Variants in NCOR2 observed in about 807,000 individuals in gnomAD.
NCOR2 encodes nuclear receptor corepressor 2.
A neutral mutation model predicts 262.9 loss-of-function variants in NCOR2; 81 were observed. That is an observed-to-expected ratio of 0.31 (90% CI 0.26 to 0.37). The LOEUF (loss-of-function observed/expected upper bound fraction) is 0.37, where lower values mean the gene tolerates loss of function less well. NCOR2 is among the 10% of genes least tolerant of loss of function. The pLI, the probability that NCOR2 is intolerant of heterozygous loss-of-function variation, is 1.00. For synonymous variants in NCOR2, 1,659 were observed against 1,559.3 expected, an observed-to-expected ratio of 1.06 and a Z score of -1.51; for missense variants, 3,385 against 3,621.4, an observed-to-expected ratio of 0.93 and a Z score of 1.68.
At chr12:124,350,085 G>A (rs540690941) in intron 28 of NCOR2, among the ~76,000 whole-genome samples, 2 of 152,228 alleles carry the variant, frequency 1.3e-5, no homozygotes, top group Admixed American at 1.3e-4. Flanking sequence ...GGGTGCCCTA[G>A]GCTGCCAGGA....
chr12:124,338,574 A>C (rs555804459), intron 37 of NCOR2, among the ~76,000 whole-genome samples: 1 of 151,306 alleles, frequency 6.6e-6, no homozygotes, highest in African/African-American at 2.4e-5. Context: ...CCCCTGGTGA[A>C]GCAGCTCTGC....
Position 124,433,895 on chromosome 12 carries a change from C to CAA in NCOR2, c.883-3109_883-3108insTT, listed in dbSNP as rs1196004621. On this transcript the variant is annotated intron_variant, in intron 8 of 46. Transcript: ENST00000405201. ...ACACACACACACACACACACACACACACACGCACACACACACACAGGGAAA... is the reference window on the plus strand; with the variant it reads ...ACACACACACACACACACACACACACAAACACGCACACACACACACAGGGAAA... 1.9e-4 allele frequency among the ~76,000 whole-genome samples: 23 copies of CAA among 123,228 alleles called. 2 individuals are homozygous for CAA. The highest frequency in any genetic ancestry group is 9.5e-4 in the African/African-American group (23 of 24,248). The allele number at this position is 123,228 out of a possible 152,430, so 80.8% of individuals were successfully genotyped here. A position where few individuals can be genotyped will look rare whatever the true frequency, so the allele number is the denominator to read the frequency against.
intron 10 of NCOR2, among the ~76,000 whole-genome samples, chr12:124,427,516 T>C (rs1313443463): frequency 1.3e-5 from 2 of 152,178 alleles, no homozygotes; most frequent in African/African-American, 4.8e-5. Context: ...GGACTCCGCG[T>C]AGCCAAGGTC....
At chr12:124,450,000 A>C in intron 6 of NCOR2, 133 bp from the exon 9 acceptor site, 1 of 868,296 alleles carries the variant, frequency 1.2e-6, no homozygotes, top group East Asian at 2.7e-5. Flanking sequence ...GGCAGGCATG[A>C]AACAGAACAC....
chr12:124,324,557 C>A (rs376783309), exon 47 of NCOR2: 1 of 152,470 alleles, frequency 6.6e-6, no homozygotes, highest in East Asian at 1.9e-4. Context: ...GGGGCGTGAG[C>A]CAGCAGTCCC....
At chr12:124,349,755 G>C (rs912359327) in intron 28 of NCOR2, among the ~76,000 whole-genome samples, 5 of 152,174 alleles carry the variant, frequency 3.3e-5, no homozygotes, top group African/African-American at 1.2e-4. Flanking sequence ...ACTCTACCCA[G>C]TGACCTCTCA....
chr12:124,495,137 AC>A lies in NCOR2; in HGVS notation c.105+9del, dbSNP rs1401060899. 5 of 1,612,984 alleles carry A rather than the reference AC, an allele frequency of 3.1e-6. No individual in the cohort carries two copies. Among genetic ancestry groups the A allele is most frequent in the Non-Finnish European group, 4.2e-6 (5 of 1,179,690 alleles). On this transcript the variant is annotated intron_variant, in intron 1 of 46. Transcript: ENST00000405201. The surrounding 1 kb of genome is among the most constrained non-coding windows in gnomAD (Gnocchi z 4.4). ...GGTAGCCCCAGGCGCACACATGTGCACCCCCTTACCGTGTGCGTCCGGGCGA... is the reference window on the plus strand; with the variant it reads ...GGTAGCCCCAGGCGCACACATGTGCACCCCTTACCGTGTGCGTCCGGGCGA...
At chr12:124,496,678 C>T (rs980736253), upstream of NCOR2, among the ~76,000 whole-genome samples, 5 of 152,150 alleles carry the variant, frequency 3.3e-5, no homozygotes, top group Non-Finnish European at 7.4e-5. This position sits in a 1 kb window ranked among gnomAD's most constrained non-coding sequence, Gnocchi z 4.4. Context: ...GTTGGGGGCC[C>T]TGACTGCCTC....
chr12:124,413,356 A>C (rs1355681995), intron 13 of NCOR2, among the ~76,000 whole-genome samples: 1 of 152,146 alleles, frequency 6.6e-6, no homozygotes, highest in East Asian at 1.9e-4. Context: ...TTTCGGAAGG[A>C]TTAAGGTCGG....
rs1412887711 is a variant in NCOR2, at chr12:124,326,194, C to T, written c.7360G>A (p.Ala2454Thr). Reference sequence around the variant, plus strand: ...CCTGTCCCCACCTGGTGCCCACCTGCGGACGAGGGCCTGTCCTCCCACACG... The same window carrying T: ...CCTGTCCCCACCTGGTGCCCACCTGTGGACGAGGGCCTGTCCTCCCACACG... Residue 2454 changes from alanine to threonine, a missense_variant, in exon 46 of 47, where the codon GCA becomes ACA. Physicochemically the swap from Ala to Thr is moderately conservative, Grantham distance 58. Transcript: ENST00000405201. 1.3e-5 allele frequency: 20 copies of T among 1,523,528 alleles called. No individual in the cohort carries two copies. The highest frequency in any genetic ancestry group is 6.1e-5 in the Admixed American group (3 of 48,792). The allele number at this position is 1,523,528 out of a possible 1,614,324, so 94.4% of individuals were successfully genotyped here.
Position 124,454,806 on chromosome 12 carries a change from C to T in NCOR2, c.762+2300G>A, listed in dbSNP as rs1247934926. ...TCTAGCAATTCCACGCCTAGGTACACACCCAGGAGAAATGAAGACGTACGT... is the reference window on the plus strand; with the variant it reads ...TCTAGCAATTCCACGCCTAGGTACATACCCAGGAGAAATGAAGACGTACGT... On this transcript the variant is annotated intron_variant, in intron 6 of 46. Coordinates refer to ENST00000405201, the Ensembl canonical transcript of NCOR2. This position sits in a 1 kb window ranked among gnomAD's most constrained non-coding sequence, Gnocchi z 5.6. Among the ~76,000 whole-genome samples, 2 of 152,162 alleles carry T rather than the reference C, an allele frequency of 1.3e-5. No homozygotes were observed. Among genetic ancestry groups the T allele is most frequent in the East Asian group, 3.8e-4 (2 of 5,200 alleles).
intron 16 of NCOR2, chr12:124,388,837 C>A: frequency 7.8e-7 from 1 of 1,283,264 alleles, no homozygotes. Flanking sequence ...CGGCTCAGCT[C>A]AGCCTCACAT....
At chr12:124,529,179 C>CAA (rs148397454) in intron 1 of NCOR2, among the ~76,000 whole-genome samples, 881 of 51,106 alleles carry the variant, frequency 0.017, 9 homozygotes, top group Non-Finnish European at 0.019. Flanking sequence ...AACTCCGACT[C>CAA]AAAAAAAAAA....
chr12:124,364,401 ACTCT>A (rs1166903018), intron 20 of NCOR2, among the ~76,000 whole-genome samples: 6 of 152,062 alleles, frequency 3.9e-5, no homozygotes, highest in Non-Finnish European at 2.9e-5. Context: ...CACTTCCTAG[ACTCT>A]CTCCCACACA....
At chr12:124,515,481 TCATC>T (rs2049682349) in intron 1 of NCOR2, among the ~76,000 whole-genome samples, 1 of 151,934 alleles carries the variant, frequency 6.6e-6, no homozygotes, top group African/African-American at 2.4e-5. Context: ...CGACAATTCA[TCATC>T]CATATCATAA....
rs1279001257 is a variant in NCOR2, at chr12:124,362,113, G to A, written c.3100+13C>T. ...GCTGCCCCAGCCCCACTCAGCCACT[G>A]GTGTGCACTCACCCTCCTTGTCGGC... On this transcript the variant is annotated intron_variant, in intron 22 of 46. Coordinates refer to ENST00000405201, the Ensembl canonical transcript of NCOR2. The A allele has an allele frequency of 7.7e-7, 1 of 1,293,592 alleles. No homozygotes were observed. Among genetic ancestry groups the A allele is most frequent in the Non-Finnish European group, 9.8e-7 (1 of 1,021,198 alleles). 80.1% of individuals were successfully genotyped at this position (1,293,592 alleles called of 1,614,324 possible).
intron 3 of NCOR2, among the ~76,000 whole-genome samples, chr12:124,478,760 T>G (rs541300974): frequency 1.4e-5 from 2 of 148,034 alleles, no homozygotes; most frequent in Admixed American, 6.7e-5. Context: ...GAAACAGAAA[T>G]GGACATAGAT....
intron 16 of NCOR2, among the ~76,000 whole-genome samples, chr12:124,396,027 A>G (rs543345375): frequency 6.6e-6 from 1 of 152,280 alleles, no homozygotes; most frequent in Non-Finnish European, 1.5e-5. Context: ...GTACAAAGCT[A>G]CTCAGATGAA....
chr12:124,411,066 GGGGGAGAGAGAGAA>G (rs1401300451), intron 13 of NCOR2, among the ~76,000 whole-genome samples: 2 of 110,844 alleles, frequency 1.8e-5, no homozygotes, highest in East Asian at 2.4e-4. Flanking sequence ...GAGGAGAGAT[GGGGGAGAGAGAGAA>G]GGGGAGAGAG....
Sources: gnomAD v4.1 joint callset for allele counts (sites outside exome capture counted in the v4.1 genomes callset) on GRCh38, gnomAD v4.1.1 for gene constraint, Gnocchi (gnomAD v3.1) non-coding constraint, MANE v1.5 for transcripts, NCBI Gene and HGNC (gene_info 2026-07-23, HGNC 2026-07-21) for gene names.